The following CDYL variants were observed in gnomAD, a reference collection of about 807,000 sequenced individuals.
The protein encoded by CDYL is chromodomain Y like.
A neutral mutation model predicts 47.3 loss-of-function variants in CDYL; 8 were observed. The ratio of observed to expected loss-of-function variants is 0.17; its 90% CI spans 0.10 to 0.31. CDYL has a LOEUF of 0.31. CDYL is among the 10% of genes least tolerant of loss of function. The pLI is 1.00. For synonymous variants in CDYL, 266 were observed against 265.0 expected, an observed-to-expected ratio of 1.00 and a Z score of -0.04; for missense variants, 471 against 701.4, an observed-to-expected ratio of 0.67 and a Z score of 3.71.
At chr6:4,745,359 A>G (rs1757870662) in intron 3 of CDYL, among the ~76,000 whole-genome samples, 1 of 152,222 alleles carries the variant, frequency 6.6e-6, no homozygotes, top group Non-Finnish European at 1.5e-5. Flanking sequence ...TAGGAAAATG[A>G]GAAAATAGAC....
chr6:4,784,308 C>T (rs778902953), intron 1 of CDYL, among the ~76,000 whole-genome samples: 9 of 152,022 alleles, frequency 5.9e-5, no homozygotes, highest in East Asian at 1.9e-4. Flanking sequence ...TCCTTGTTTC[C>T]TACAATTGCT....
At chr6:4,890,506 G>A (rs1762013090) in intron 1 of CDYL, among the ~76,000 whole-genome samples, 1 of 152,094 alleles carries the variant, frequency 6.6e-6, no homozygotes, top group Non-Finnish European at 1.5e-5. Flanking sequence ...TTAATTTTAG[G>A]CTGTTCAGTA....
chr6:4,937,807 T>C, intron 4 of CDYL, 70 bp downstream of exon 4: 1 of 1,243,092 alleles, frequency 8.0e-7, no homozygotes, highest in Non-Finnish European at 1.1e-6. Flanking sequence ...CCTGATAGAA[T>C]GGGCCTGACC....
chr6:4,861,941 G>T (rs912027238), intron 1 of CDYL, among the ~76,000 whole-genome samples: 1 of 152,192 alleles, frequency 6.6e-6, no homozygotes, highest in African/African-American at 2.4e-5. Flanking sequence ...AGTACAAAGT[G>T]TACATTCCCC....
intron 1 of CDYL, among the ~76,000 whole-genome samples, chr6:4,855,710 A>G (rs765849245): frequency 5.9e-5 from 9 of 152,234 alleles, no homozygotes; most frequent in Non-Finnish European, 1.3e-4. Flanking sequence ...ACACGTAAGC[A>G]TATAAGATGA....
chr6:4,954,875 T>TA lies in CDYL; in HGVS notation c.*821dup, dbSNP rs1758821003. The stretch of plus-strand genomic sequence containing the variant: ...CTGACCCTTCTGAAAAATAACTACA[T>TA]AAGTGCTTCTTGTTGCTGGGTGAGA... On this transcript the variant is annotated 3_prime_UTR_variant, in exon 7 of 7. Transcript: ENST00000397588. The TA allele has an allele frequency of 6.6e-6, 1 of 152,240 alleles. No homozygotes were observed. The highest frequency in any genetic ancestry group is 2.4e-5 in the African/African-American group (1 of 41,460). The allele number at this position is 152,240 out of a possible 1,614,324, so 9.4% of individuals were successfully genotyped here.
At chr6:4,847,067 A>T (rs1316614528) in intron 1 of CDYL, among the ~76,000 whole-genome samples, 1 of 152,210 alleles carries the variant, frequency 6.6e-6, no homozygotes, top group Non-Finnish European at 1.5e-5. Context: ...ACCCAGTTAC[A>T]GTCATGTCTA....
chr6:4,918,010 C>G (rs893167978), intron 2 of CDYL, among the ~76,000 whole-genome samples: 1 of 152,122 alleles, frequency 6.6e-6, no homozygotes, highest in African/African-American at 2.4e-5. Flanking sequence ...ATAGTATCTT[C>G]CTTTAATATC....
chr6:4,919,584 TC>T (rs1757653805), intron 2 of CDYL, among the ~76,000 whole-genome samples: 1 of 152,158 alleles, frequency 6.6e-6, no homozygotes, highest in African/African-American at 2.4e-5. Context: ...GGAGCATTAT[TC>T]AAAAAAATTC....
Position 4,744,354 on chromosome 6 carries a change from G to A in CDYL, c.186+9510G>A, listed in dbSNP as rs180760139. Among the ~76,000 whole-genome samples the A allele has an allele frequency of 2.6e-3, 391 of 152,260 alleles. 4 individuals are homozygous for A. The highest frequency in any genetic ancestry group is 8.6e-3 in the African/African-American group (357 of 41,540). On this transcript the variant is annotated intron_variant, in intron 3 of 8. Transcript: ENST00000328908. ...CAAAAAATTTTAAAAATAGCCAGACGTGTGGTGCTGCATGCCTGTAGTCCC... is the reference window on the plus strand; with the variant it reads ...CAAAAAATTTTAAAAATAGCCAGACATGTGGTGCTGCATGCCTGTAGTCCC...
intron 3 of CDYL, among the ~76,000 whole-genome samples, chr6:4,752,092 G>A (rs1194679061): frequency 6.6e-6 from 1 of 152,140 alleles, no homozygotes; most frequent in East Asian, 1.9e-4. Flanking sequence ...AACAATAATG[G>A]GTCTGGGGCA....
chr6:4,714,134 A>T (rs1185646553), intron 1 of CDYL: 1 of 151,734 alleles, frequency 6.6e-6, no homozygotes, highest in Admixed American at 6.6e-5. Flanking sequence ...CACACAGGGG[A>T]GGTTTGGGGC....
At chr6:4,813,549 G>A (rs1759584998) in intron 1 of CDYL, among the ~76,000 whole-genome samples, 1 of 152,180 alleles carries the variant, frequency 6.6e-6, no homozygotes. Flanking sequence ...TGCCACTGAT[G>A]GATTCATTTT....
rs1351380612 is a variant in CDYL, at chr6:4,776,680, G to C, written c.-104G>C. On this transcript the variant is annotated 5_prime_UTR_variant, in exon 1 of 7. Transcript: ENST00000397588. ...CAGCGCCCGGCCGGCCGCGGGAGCA[G>C]GAAGCGCAGGCCACGCAGGACCCAA... 9.3e-7 allele frequency: 1 copy of C among 1,072,998 alleles called. No homozygotes were observed. The highest frequency in any genetic ancestry group is 1.7e-5 in the South Asian group (1 of 60,262). 66.5% of individuals were successfully genotyped at this position (1,072,998 alleles called of 1,614,324 possible). A position where few individuals can be genotyped will look rare whatever the true frequency, so the allele number is the denominator to read the frequency against.
chr6:4,914,117 G>T (rs1410825707), intron 2 of CDYL, among the ~76,000 whole-genome samples: 1 of 152,080 alleles, frequency 6.6e-6, no homozygotes, highest in South Asian at 2.1e-4. Flanking sequence ...GTAATCTTTG[G>T]TTGTTCTGGT....
chr6:4,710,693 C>T (rs536140677), intron 1 of CDYL, among the ~76,000 whole-genome samples: 1 of 152,076 alleles, frequency 6.6e-6, no homozygotes, highest in East Asian at 1.9e-4. Flanking sequence ...GCTGTGCTCC[C>T]GTCTTTATTC....
chr6:4,937,520 A>T, intron 3 of CDYL, 45 bp from the exon 4 acceptor site: 1 of 1,387,532 alleles, frequency 7.2e-7, no homozygotes, highest in Non-Finnish European at 9.6e-7. Flanking sequence ...TTAAGATTTT[A>T]AACCCAAAAT....
chr6:4,918,450 AT>A (rs1757618378), intron 2 of CDYL, among the ~76,000 whole-genome samples: 1 of 150,400 alleles, frequency 6.6e-6, no homozygotes, highest in South Asian at 2.1e-4. Flanking sequence ...TATTTGATGT[AT>A]TTTCAAAGGC....
chr6:4,791,093 A>G (rs1758904339), intron 1 of CDYL, among the ~76,000 whole-genome samples: 1 of 152,218 alleles, frequency 6.6e-6, no homozygotes, highest in African/African-American at 2.4e-5. Context: ...TGGAGAATAC[A>G]TTAAGGGAGG....
Sources: gnomAD v4.1 joint callset for allele counts (sites outside exome capture counted in the v4.1 genomes callset) on GRCh38, gnomAD v4.1.1 for gene constraint, MANE v1.5 for transcripts, NCBI Gene and HGNC (gene_info 2026-07-23, HGNC 2026-07-21) for gene names.